Variants in KCNIP3 observed in about 807,000 individuals in gnomAD.
KCNIP3 encodes potassium voltage-gated channel interacting protein 3, also known as calsenilin.
A neutral mutation model predicts 35.0 loss-of-function variants in KCNIP3; 28 were observed. The ratio of observed to expected loss-of-function variants is 0.80; its 90% CI spans 0.59 to 1.10. The LOEUF is 1.10. KCNIP3 is among the 50% of genes least tolerant of loss of function. KCNIP3 has a pLI of 0.00. For synonymous variants in KCNIP3, 134 were observed against 133.8 expected (o/e 1.00, Z -0.01); for missense variants, 295 against 338.4 (o/e 0.87, Z 1.01).
At chr2:95,306,548 T>C (rs149880055) in intron 1 of KCNIP3, among the ~76,000 whole-genome samples, 97 of 152,156 alleles carry the variant, frequency 6.4e-4, no homozygotes, top group African/African-American at 2.3e-3. Flanking sequence ...GTGGCCTAGG[T>C]AGTCAGGCAG....
At chr2:95,336,991 CAG>C (rs1679077122) in intron 2 of KCNIP3, among the ~76,000 whole-genome samples, 1 of 152,178 alleles carries the variant, frequency 6.6e-6, no homozygotes, top group Non-Finnish European at 1.5e-5. Flanking sequence ...CCTGCTAATG[CAG>C]AGCCTAGCAA....
At chr2:95,348,521 G>A (rs1278760676) in intron 2 of KCNIP3, among the ~76,000 whole-genome samples, 1 of 152,200 alleles carries the variant, frequency 6.6e-6, no homozygotes, top group Non-Finnish European at 1.5e-5. Context: ...GATCCTCGGG[G>A]CCTCCAGTGG....
rs1247570629 is a variant in KCNIP3 at position 95,378,294 on chromosome 2, T to C, written c.447+3086T>C. On this transcript the variant is annotated intron_variant, in intron 5 of 8. Transcript: ENST00000295225. This position sits in a 1 kb window ranked among gnomAD's most constrained non-coding sequence, Gnocchi z 4.0. ...CATGCCACCATGCCCAGCTAATTTT[T>C]TTATTTTAATTGTTGTAGATGCAAG... is the stretch of plus-strand genomic sequence containing the variant. Among the ~76,000 whole-genome samples the C allele has an allele frequency of 6.6e-6, 1 of 152,132 alleles. No individual in the cohort carries two copies. Among genetic ancestry groups the C allele is most frequent in the Non-Finnish European group, 1.5e-5 (1 of 68,024 alleles).
chr2:95,331,013 T>G (rs1573495420), intron 2 of KCNIP3, among the ~76,000 whole-genome samples: 2 of 148,808 alleles, frequency 1.3e-5, no homozygotes, highest in Non-Finnish European at 1.5e-5. Context: ...ATCCGAGGGG[T>G]GAGGGAGAGT....
At chr2:95,321,401 G>A (rs1325958730) in intron 2 of KCNIP3, among the ~76,000 whole-genome samples, 2 of 152,180 alleles carry the variant, frequency 1.3e-5, no homozygotes, top group African/African-American at 4.8e-5. Context: ...CAGGGCAGGC[G>A]CCCCGGATGG....
Position 95,374,436 on chromosome 2 carries a change from T to C in KCNIP3, c.306+16T>C, listed in dbSNP as rs1680121220. 2 of 1,612,576 alleles carry C rather than the reference T, an allele frequency of 1.2e-6. No individual in the cohort carries two copies. Among genetic ancestry groups the C allele is most frequent in the African/African-American group, 2.7e-5 (2 of 74,844 alleles). ...CTTTAAGAATGTGAGTGTTCCCCAT[T>C]CCCCCGGGAGAGGCCTTGGAGACCC... On this transcript the variant is annotated intron_variant, in intron 3 of 8. Coordinates refer to ENST00000295225, the MANE Select transcript of KCNIP3 (RefSeq NM_013434.5).
chr2:95,310,721 A>G (rs550197848), intron 2 of KCNIP3: 1 of 610,102 alleles, frequency 1.6e-6, no homozygotes, highest in East Asian at 2.9e-5. Context: ...CTGAGCTCCC[A>G]GTGGGACCCA....
intron 5 of KCNIP3, among the ~76,000 whole-genome samples, chr2:95,375,903 C>T (rs992963115): frequency 1.3e-5 from 2 of 152,202 alleles, no homozygotes; most frequent in South Asian, 2.1e-4. Flanking sequence ...TGATCGATAC[C>T]CCGACAGCTT....
At chr2:95,302,111 C>T (rs1167995612) in intron 1 of KCNIP3, among the ~76,000 whole-genome samples, 1 of 152,052 alleles carries the variant, frequency 6.6e-6, no homozygotes, top group Non-Finnish European at 1.5e-5. Flanking sequence ...GCCATCTGTC[C>T]CGAGTGATGG....
Position 95,382,567 on chromosome 2 carries a change from T to G in KCNIP3, c.660+86T>G. ...TTGGGGCCACCCCGGGCAAGTGGCT[T>G]GCCCCTCTGAGCCTCCCTACTCCCC... On this transcript the variant is annotated intron_variant, in intron 7 of 8. Coordinates refer to ENST00000295225, the MANE Select transcript of KCNIP3 (RefSeq NM_013434.5). The surrounding 1 kb of genome is among the most constrained non-coding windows in gnomAD (Gnocchi z 4.5). 1.1e-6 allele frequency: 1 copy of G among 950,200 alleles called. No homozygotes were observed. The highest frequency in any genetic ancestry group is 1.6e-5 in the African/African-American group (1 of 61,036). The allele number at this position is 950,200 out of a possible 1,614,324, so 58.9% of individuals were successfully genotyped here. A position where few individuals can be genotyped will look rare whatever the true frequency, so the allele number is the denominator to read the frequency against.
At chr2:95,324,695 A>G (rs533261062) in intron 2 of KCNIP3, among the ~76,000 whole-genome samples, 21 of 151,254 alleles carry the variant, frequency 1.4e-4, no homozygotes, top group Non-Finnish European at 3.1e-4. Context: ...GGCGAATCAC[A>G]AGGTCAGGAG....
intron 2 of KCNIP3, among the ~76,000 whole-genome samples, chr2:95,321,475 C>T (rs1358635054): frequency 1.3e-5 from 2 of 152,110 alleles, no homozygotes; most frequent in Non-Finnish European, 2.9e-5. Context: ...CTGGGGCACC[C>T]GACGGAGGCA....
Position 95,382,282 on chromosome 2 carries a change from G to T in KCNIP3, c.556-95G>T. 1.5e-6 allele frequency: 1 copy of T among 684,578 alleles called. No homozygotes were observed. 42.4% of individuals were successfully genotyped at this position (684,578 alleles called of 1,614,324 possible). ...TCCGGCCCCTCGCACTCACTGCCTT[G>T]GAGGTGCCCTGCACCCTTGGATGCC... On this transcript the variant is annotated intron_variant, in intron 6 of 8. Transcript: ENST00000295225. This position sits in a 1 kb window ranked among gnomAD's most constrained non-coding sequence, Gnocchi z 4.5.
chr2:95,322,661 T>A (rs1477857866), intron 2 of KCNIP3, among the ~76,000 whole-genome samples: 1 of 152,210 alleles, frequency 6.6e-6, no homozygotes, highest in African/African-American at 2.4e-5. Context: ...TTTTCTTGTC[T>A]GTGAAGTGAA....
At chr2:95,299,532 C>T (rs1367004067) in intron 1 of KCNIP3, among the ~76,000 whole-genome samples, 1 of 152,192 alleles carries the variant, frequency 6.6e-6, no homozygotes, top group Non-Finnish European at 1.5e-5. Flanking sequence ...GGAGGCACTG[C>T]CATTCCTATT....
intron 1 of KCNIP3, among the ~76,000 whole-genome samples, chr2:95,301,921 T>G (rs1454663308): frequency 6.6e-6 from 1 of 152,128 alleles, no homozygotes; most frequent in African/African-American, 2.4e-5. Context: ...TGTGTGTGTA[T>G]GTGCATATGT....
chr2:95,298,371 C>G lies in KCNIP3; in HGVS notation c.15+918C>G, dbSNP rs368347012. On this transcript the variant is annotated intron_variant, in intron 1 of 8. Coordinates refer to ENST00000295225, the MANE Select transcript of KCNIP3 (RefSeq NM_013434.5). ...TGATCAGCAGCATTTCAGGCCTGCC[C>G]TGTATCACCCCTGAGGTTACCTTAA... Among the ~76,000 whole-genome samples, 47 of 152,202 alleles carry G rather than the reference C, an allele frequency of 3.1e-4. 1 individual carries two copies. The highest frequency in any genetic ancestry group is 1.1e-3 in the African/African-American group (45 of 41,514).
chr2:95,323,353 T>C (rs1678643135), intron 2 of KCNIP3, among the ~76,000 whole-genome samples: 1 of 152,098 alleles, frequency 6.6e-6, no homozygotes, highest in East Asian at 1.9e-4. Flanking sequence ...TTTCAGATGC[T>C]CTGGGGTGGG....
chr2:95,334,962 C>T (rs927583965), intron 2 of KCNIP3, among the ~76,000 whole-genome samples: 10 of 152,188 alleles, frequency 6.6e-5, no homozygotes, highest in Non-Finnish European at 1.0e-4. Context: ...GAGAATATTC[C>T]CAGAGCTATG....
Sources: allele counts gnomAD v4.1 joint callset (sites outside exome capture counted in the v4.1 genomes callset), GRCh38; gene constraint gnomAD v4.1.1; non-coding constraint Gnocchi (gnomAD v3.1); transcripts MANE v1.5; gene names NCBI Gene and HGNC (gene_info 2026-07-23, HGNC 2026-07-21).